CHL1: variants seen among roughly 807,000 people sequenced by gnomAD.
The protein encoded by CHL1 is cell adhesion molecule L1 like.
Under a neutral mutation model 141.9 loss-of-function variants are expected in CHL1, and 96 were observed. That is an observed-to-expected ratio of 0.68 (90% CI 0.57 to 0.80). The LOEUF is 0.80. CHL1 is among the 30% of genes least tolerant of loss of function. CHL1 has a pLI of 0.00. For synonymous variants in CHL1, 613 were observed against 502.2 expected (o/e 1.22, Z -2.95); for missense variants, 1,820 against 1,457.2 (o/e 1.25, Z -4.05).
At chr3:263,429 T>C (rs1012250926) in intron 2 of CHL1, among the ~76,000 whole-genome samples, 29 of 152,224 alleles carry the variant, frequency 1.9e-4, no homozygotes, top group African/African-American at 6.3e-4. Flanking sequence ...TTTCTTTGTA[T>C]CCTTGTGACA....
Position 344,635 on chromosome 3 carries a change from T to C in CHL1, c.774T>C (p.Thr258=). 6.2e-7 allele frequency: 1 copy of C among 1,613,232 alleles called. No homozygotes were observed. The highest frequency in any genetic ancestry group is 8.5e-7 in the Non-Finnish European group (1 of 1,179,326). The change falls in exon 9 of 28, where the codon ACT becomes ACC. Residue 258 remains threonine, a synonymous_variant. Coordinates refer to ENST00000256509, the MANE Select transcript of CHL1 (RefSeq NM_006614.4). ...QRKPKLLLPP[T]ESGSESSITI... ...AACCCAAACTGCTGTTGCCTCCCACTGAGAGTGGCAGTGAGTCTTCAATTA... is the reference window on the plus strand; with the variant it reads ...AACCCAAACTGCTGTTGCCTCCCACCGAGAGTGGCAGTGAGTCTTCAATTA...
At chr3:251,289 A>G (rs925300957) in intron 2 of CHL1, among the ~76,000 whole-genome samples, 2 of 152,082 alleles carry the variant, frequency 1.3e-5, no homozygotes, top group African/African-American at 4.8e-5. Context: ...GGCAGAGGAC[A>G]GACAGTGCTG....
intron 3 of CHL1, among the ~76,000 whole-genome samples, chr3:323,329 T>G (rs1052885006): frequency 3.3e-5 from 5 of 152,082 alleles, no homozygotes; most frequent in African/African-American, 4.8e-5. Context: ...ATACTGCTGA[T>G]TAGATCAGTG....
intron 1 of CHL1, among the ~76,000 whole-genome samples, chr3:204,583 G>T (rs1361939647): frequency 2.0e-5 from 3 of 152,208 alleles, no homozygotes; most frequent in Non-Finnish European, 4.4e-5. Context: ...GTTGTTGGAA[G>T]TTCGGTTTTT....
intron 26 of CHL1, among the ~76,000 whole-genome samples, chr3:400,900 CTTTT>C (rs71058770): frequency 1.8e-5 from 2 of 112,458 alleles, no homozygotes; most frequent in Non-Finnish European, 3.5e-5. Context: ...AAATGACTGC[CTTTT>C]TTTTTTTTTT....
At chr3:335,560 T>C (rs996916047) in intron 5 of CHL1, among the ~76,000 whole-genome samples, 5 of 152,196 alleles carry the variant, frequency 3.3e-5, no homozygotes, top group African/African-American at 1.2e-4. Flanking sequence ...TCGCCAAGCA[T>C]ATTTAAGTGA....
rs137876808 is a variant in CHL1, at chr3:281,449, A to T, written c.-95+36757A>T. 5.3e-3 allele frequency among the ~76,000 whole-genome samples: 800 copies of T among 152,158 alleles called. 6 individuals carry two copies. The highest frequency in any genetic ancestry group is 8.4e-3 in the Non-Finnish European group (574 of 68,004). On this transcript the variant is annotated intron_variant, in intron 2 of 27. Transcript: ENST00000256509. ...GTGGTCATGTCGGTTCTCCTGGACT[A>T]CCAGAGCCCAGAAATCTTCTCTTGT...
intron 2 of CHL1, among the ~76,000 whole-genome samples, chr3:283,854 C>T (rs1267481354): frequency 2.0e-5 from 3 of 152,170 alleles, no homozygotes; most frequent in East Asian, 3.9e-4. Context: ...CAGTTGAGAA[C>T]AGCTGGTATA....
chr3:340,244 G>A (rs546963281), intron 5 of CHL1, among the ~76,000 whole-genome samples: 19 of 152,178 alleles, frequency 1.2e-4, no homozygotes, highest in African/African-American at 3.1e-4. Context: ...ATTTCAATGT[G>A]GCTGGCTCTT....
At chr3:293,057 C>A (rs1697844784) in intron 2 of CHL1, among the ~76,000 whole-genome samples, 1 of 152,138 alleles carries the variant, frequency 6.6e-6, no homozygotes, top group Admixed American at 6.6e-5. Flanking sequence ...TACACAAAAA[C>A]CAAATTAATG....
chr3:318,701 G>C (rs1300089104), intron 2 of CHL1, among the ~76,000 whole-genome samples: 1 of 150,968 alleles, frequency 6.6e-6, no homozygotes, highest in African/African-American at 2.4e-5. Context: ...AGTTAAAATG[G>C]TGGCCTTTAT....
Position 229,590 on chromosome 3 carries a change from C to T in CHL1, c.-174-15023C>T, listed in dbSNP as rs773770960. On this transcript the variant is annotated intron_variant, in intron 1 of 27. Transcript: ENST00000256509. ...TATTTTCCAGAAATACTTGTGTATT[C>T]GGAAGAATTAGAGGAAGGAAACTTT... Among the ~76,000 whole-genome samples, 5 of 152,120 alleles carry T rather than the reference C, an allele frequency of 3.3e-5. No individual in the cohort carries two copies. The East Asian group carries it at 7.7e-4, about 24-fold the overall frequency.
At chr3:222,738 C>T (rs1348593990) in intron 1 of CHL1, among the ~76,000 whole-genome samples, 1 of 152,058 alleles carries the variant, frequency 6.6e-6, no homozygotes, top group Non-Finnish European at 1.5e-5. Context: ...GAAGGAAAAA[C>T]AATTTTTTTT....
At chr3:249,856 C>A (rs1451413428) in intron 2 of CHL1, among the ~76,000 whole-genome samples, 1 of 152,078 alleles carries the variant, frequency 6.6e-6, no homozygotes, top group Admixed American at 6.6e-5. Flanking sequence ...AGCTCCCTAA[C>A]TCTGTATGAA....
At chr3:214,106 A>G (rs1466750899) in intron 1 of CHL1, among the ~76,000 whole-genome samples, 1 of 152,208 alleles carries the variant, frequency 6.6e-6, no homozygotes, top group Non-Finnish European at 1.5e-5. Flanking sequence ...GATATCCAGT[A>G]TCATCATAGG....
At position 391,033 on chromosome 3, in the gene CHL1, C is replaced by T. The variant is rs1422275032; in HGVS notation, c.2665C>T (p.Gln889Ter). The T allele has an allele frequency of 2.5e-6, 4 of 1,613,796 alleles. No individual in the cohort carries two copies. The highest frequency in any genetic ancestry group is 1.1e-5 in the South Asian group (1 of 91,080). Residue 889 changes from glutamine (Q) to a stop codon, truncating the protein, a stop_gained, in exon 22 of 28, where the codon CAA becomes TAA. Coordinates refer to ENST00000256509, the MANE Select transcript of CHL1 (RefSeq NM_006614.4). LOFTEE classifies it high-confidence loss of function. ...KEVNILRFSGQRNSGMVPSLD... is the reference protein window; with the variant it reads ...KEVNILRFSG ...AGTGAACATTCTAAGATTTTCAGGA[C>T]AAAGAAACTCTGGAATGGTTCCTTC... is the stretch of plus-strand genomic sequence containing the variant.
In CHL1 at chr3:342,993, C is replaced by T. The variant is rs369518669; in HGVS notation, c.689C>T (p.Ala230Val). ...CGTTTTTTTATTTCAGTAAAGCATG[C>T]TAATGACTCAAGTTCATCCACAGAA... ...MKLTVNSLKH[A>V]NDSSSSTEIG... The change falls in exon 8 of 28, where the codon GCT becomes GTT. Residue 230 changes from alanine (A) to valine (V), a missense_variant. Ala to Val is a moderately conservative substitution (Grantham distance 64). Transcript: ENST00000256509. 6.2e-7 allele frequency: 1 copy of T among 1,608,482 alleles called. No homozygotes were observed.
At chr3:332,171 C>T (rs1303159502) in intron 5 of CHL1, among the ~76,000 whole-genome samples, 2 of 152,150 alleles carry the variant, frequency 1.3e-5, no homozygotes, top group Non-Finnish European at 2.9e-5. Flanking sequence ...CAGCAGTCCA[C>T]TCAAAGTAGA....
chr3:369,478 A>G (rs572214560), intron 15 of CHL1, among the ~76,000 whole-genome samples: 2 of 152,336 alleles, frequency 1.3e-5, no homozygotes, highest in South Asian at 4.1e-4. Flanking sequence ...AAAATTGCTT[A>G]TCAGTTCAAG....
Sources: gnomAD v4.1 joint callset for allele counts (sites outside exome capture counted in the v4.1 genomes callset) on GRCh38, gnomAD v4.1.1 for gene constraint, MANE v1.5 for transcripts, NCBI Gene and HGNC (gene_info 2026-07-23, HGNC 2026-07-21) for gene names.